DUSP14: variants seen among roughly 807,000 people sequenced by gnomAD.
DUSP14 encodes the protein dual specificity phosphatase 14, also known as dual specificity protein phosphatase 14.
Under a neutral mutation model 13.2 loss-of-function variants are expected in DUSP14, and 5 were observed. That is an observed-to-expected ratio of 0.38 (90% CI 0.20 to 0.80). The LOEUF is 0.80. DUSP14 is among the 30% of genes least tolerant of loss of function. The pLI is 0.44. For synonymous variants in DUSP14, 91 were observed against 103.4 expected (o/e 0.88, Z 0.73); for missense variants, 185 against 264.0 (o/e 0.70, Z 2.07).
At chr17:37,491,935 A>T (rs2054031167) in intron 1 of DUSP14, among the ~76,000 whole-genome samples, 1 of 152,190 alleles carries the variant, frequency 6.6e-6, no homozygotes, top group African/African-American at 2.4e-5. Context: ...GTGCATCTTG[A>T]TCGGTTTGTG....
rs1357487609 is a variant in DUSP14 at position 37,512,555 on chromosome 17, G to T, written c.283G>T (p.Asp95Tyr). The change falls in exon 3 of 3, where the codon GAC (aspartate) becomes TAC (tyrosine). Residue 95 changes from aspartate (D) to tyrosine (Y), a missense_variant. Physicochemically the swap from Asp to Tyr is radical, Grantham distance 160. Transcript: ENST00000617516. This position sits in a 1 kb window ranked among gnomAD's most constrained non-coding sequence, Gnocchi z 4.8. ...TGGACTGTACTTTGACACCGTGGCT[G>T]ACAAGATCCACAGTGTGAGCAGGAA... is the stretch of plus-strand genomic sequence containing the variant. Reference protein sequence around the residue: ...PIGLYFDTVADKIHSVSRKHG... With the variant: ...PIGLYFDTVAYKIHSVSRKHG... 1.9e-6 allele frequency: 3 copies of T among 1,614,190 alleles called. No individual in the cohort carries two copies. Among genetic ancestry groups the T allele is most frequent in the Non-Finnish European group, 2.5e-6 (3 of 1,180,034 alleles).
intron 1 of DUSP14, among the ~76,000 whole-genome samples, chr17:37,509,524 A>G (rs1011916921): frequency 9.9e-5 from 15 of 151,512 alleles, no homozygotes; most frequent in African/African-American, 3.4e-4. Context: ...GTTTCTCCAC[A>G]TTGGCAAGGC....
At chr17:37,494,807 GA>G (rs1165094270) in intron 1 of DUSP14, among the ~76,000 whole-genome samples, 2 of 152,168 alleles carry the variant, frequency 1.3e-5, no homozygotes, top group African/African-American at 4.8e-5. Context: ...TTTTTAGCTG[GA>G]GGGATGATGG....
chr17:37,512,841 G>A lies in DUSP14; in HGVS notation c.569G>A (p.Arg190Gln), dbSNP rs202062659. ...IVPDVYEKES[R>Q]HLMPYWGI ...CCCGACGTCTATGAGAAGGAGTCCC[G>A]ACACCTGATGCCTTACTGGGGGATT... Residue 190 changes from arginine (R) to glutamine (Q), a missense_variant, in exon 3 of 3, where the codon CGA becomes CAA. By Grantham distance (43) the Arg-to-Gln change is conservative. Transcript: ENST00000617516. This position sits in a 1 kb window ranked among gnomAD's most constrained non-coding sequence, Gnocchi z 4.8. 29 of 1,606,882 alleles carry A rather than the reference G, an allele frequency of 1.8e-5. No homozygotes were observed. Among genetic ancestry groups the A allele is most frequent in the African/African-American group, 9.3e-5 (7 of 74,912 alleles).
chr17:37,496,777 G>A (rs1404139602), intron 1 of DUSP14, among the ~76,000 whole-genome samples: 4 of 151,830 alleles, frequency 2.6e-5, no homozygotes, highest in East Asian at 1.9e-4. Flanking sequence ...TTAGCCGGGT[G>A]TGGTGGCATG....
chr17:37,506,282 C>T (rs2054137785), intron 1 of DUSP14, among the ~76,000 whole-genome samples: 1 of 149,870 alleles, frequency 6.7e-6, no homozygotes, highest in Admixed American at 6.7e-5. Flanking sequence ...CCCCCGTCCC[C>T]CTGCAAAAAA....
Position 37,495,242 on chromosome 17 carries a change from C to T in DUSP14, c.-181+5284C>T, listed in dbSNP as rs116689902. ...GCCTAGGGCTGAGATCACAGCCATG[C>T]CCTTTCATGTGCAGCCCACCCAGCT... On this transcript the variant is annotated intron_variant, in intron 1 of 2. Transcript: ENST00000617516. 1.3e-3 allele frequency among the ~76,000 whole-genome samples: 191 copies of T among 152,278 alleles called. 2 individuals are homozygous for T. Among genetic ancestry groups the T allele is most frequent in the African/African-American group, 3.9e-3 (163 of 41,558 alleles).
chr17:37,511,006 CAA>C (rs1274911250), intron 2 of DUSP14, among the ~76,000 whole-genome samples: 1 of 149,766 alleles, frequency 6.7e-6, no homozygotes, highest in East Asian at 2.0e-4. Context: ...TAATATATAT[CAA>C]TATATATGTA....
chr17:37,496,066 G>A (rs1426750342), intron 1 of DUSP14, among the ~76,000 whole-genome samples: 3 of 152,138 alleles, frequency 2.0e-5, no homozygotes, highest in Non-Finnish European at 4.4e-5. Context: ...TGCCAATTTA[G>A]CTAAAATCTA....
At chr17:37,495,890 C>G in intron 1 of DUSP14, among the ~76,000 whole-genome samples, 1 of 152,184 alleles carries the variant, frequency 6.6e-6, no homozygotes, top group East Asian at 1.9e-4. Context: ...GATCTCATGA[C>G]CTCGTGATCC....
intron 1 of DUSP14, chr17:37,510,188 G>C (rs1279345918): frequency 6.6e-6 from 1 of 152,290 alleles, no homozygotes; most frequent in Non-Finnish European, 1.5e-5. Flanking sequence ...TTAGCTTCCT[G>C]GTGCACACTG....
At chr17:37,509,154 C>T (rs867207481) in intron 1 of DUSP14, among the ~76,000 whole-genome samples, 1,865 of 57,756 alleles carry the variant, frequency 0.032, 298 homozygotes, top group East Asian at 0.087. Flanking sequence ...CACACACACA[C>T]ACACACACAC....
chr17:37,489,035 T>C (rs1229701720), upstream of DUSP14, among the ~76,000 whole-genome samples: 1 of 152,130 alleles, frequency 6.6e-6, no homozygotes, highest in Admixed American at 6.5e-5. Context: ...TCGCTTTGCC[T>C]CCCACGTGTC....
intron 1 of DUSP14, among the ~76,000 whole-genome samples, chr17:37,496,406 C>G (rs1240567779): frequency 6.6e-6 from 1 of 151,742 alleles, no homozygotes; most frequent in African/African-American, 2.4e-5. Context: ...AAAGTTCAAT[C>G]GAGACTAGCC....
At chr17:37,501,224 A>G (rs2054103085) in intron 1 of DUSP14, among the ~76,000 whole-genome samples, 1 of 152,234 alleles carries the variant, frequency 6.6e-6, no homozygotes, top group Non-Finnish European at 1.5e-5. Context: ...GCCACAGGTC[A>G]GATGGGGCAG....
intron 1 of DUSP14, among the ~76,000 whole-genome samples, chr17:37,491,836 A>G (rs1466806428): frequency 1.3e-5 from 2 of 152,256 alleles, no homozygotes; most frequent in Non-Finnish European, 2.9e-5. Flanking sequence ...AAATCACAAG[A>G]AATACATTAA....
intron 1 of DUSP14, among the ~76,000 whole-genome samples, chr17:37,492,388 T>C (rs2054034888): frequency 6.6e-6 from 1 of 152,372 alleles, no homozygotes; most frequent in African/African-American, 2.4e-5. Context: ...TTATTATTTA[T>C]GAAAGCTTCA....
chr17:37,498,987 CTAATT>C (rs1400742402), intron 1 of DUSP14, among the ~76,000 whole-genome samples: 4 of 152,162 alleles, frequency 2.6e-5, no homozygotes, highest in African/African-American at 9.7e-5. Context: ...TTATAACTTA[CTAATT>C]TCAACCAAGG....
intron 1 of DUSP14, among the ~76,000 whole-genome samples, chr17:37,490,772 G>T (rs1385907061): frequency 1.3e-5 from 2 of 151,974 alleles, no homozygotes; most frequent in Non-Finnish European, 2.9e-5. Context: ...GTGTTAACTC[G>T]TTAGCTGTTC....
Sources: gnomAD v4.1 joint callset for allele counts (sites outside exome capture counted in the v4.1 genomes callset) on GRCh38, gnomAD v4.1.1 for gene constraint, Gnocchi (gnomAD v3.1) non-coding constraint, MANE v1.5 for transcripts, NCBI Gene and HGNC (gene_info 2026-07-23, HGNC 2026-07-21) for gene names.